The following MEGF11 variants were observed in gnomAD, a reference collection of about 807,000 sequenced individuals.
MEGF11 encodes multiple epidermal growth factor-like domains protein 11.
MEGF11 carries 126 observed loss-of-function variants against 146.6 expected under a neutral mutation model. The observed-to-expected ratio is 0.86, with a 90% CI of 0.74 to 1.00. The LOEUF (loss-of-function observed/expected upper bound fraction) is 1.00, where lower values mean the gene tolerates loss of function less well. Among genes scored for constraint, MEGF11 ranks in the 50% least tolerant of loss-of-function variants. The pLI is 0.00. For missense variants in MEGF11, 1,509 were observed against 1,521.2 expected (o/e 0.99, Z 0.13); for synonymous variants, 532 against 583.4 (o/e 0.91, Z 1.27).
chr15:66,095,461 C>T (rs1267788043), intron 4 of MEGF11, among the ~76,000 whole-genome samples: 4 of 152,254 alleles, frequency 2.6e-5, no homozygotes, highest in South Asian at 2.1e-4. Flanking sequence ...TTGTTTTTCC[C>T]GAAAGCAAGA....
At chr15:65,971,847 A>G (rs1003799818) in intron 7 of MEGF11, among the ~76,000 whole-genome samples, 2 of 152,288 alleles carry the variant, frequency 1.3e-5, no homozygotes, top group Admixed American at 1.3e-4. Flanking sequence ...AGGCAACAGG[A>G]ACACAGAGGA....
intron 11 of MEGF11, 147 bp from the exon 12 acceptor site, chr15:65,930,030 A>G: frequency 1.2e-6 from 1 of 831,466 alleles, no homozygotes; most frequent in Non-Finnish European, 1.8e-6. Flanking sequence ...CACAGAGTTC[A>G]GAAATACAAC....
At chr15:66,251,563 A>C (rs2092371180) in intron 1 of MEGF11, among the ~76,000 whole-genome samples, 1 of 152,156 alleles carries the variant, frequency 6.6e-6, no homozygotes, top group South Asian at 2.1e-4. Context: ...ACCTAACCCG[A>C]AAATCCAGAG....
intron 1 of MEGF11, among the ~76,000 whole-genome samples, chr15:66,207,386 G>A (rs2091327101): frequency 6.6e-6 from 1 of 152,206 alleles, no homozygotes; most frequent in African/African-American, 2.4e-5. Context: ...AAGCCAGAAG[G>A]CAGTAAGATG....
At chr15:66,000,190 G>T (rs1039035799) in intron 5 of MEGF11, among the ~76,000 whole-genome samples, 1 of 152,200 alleles carries the variant, frequency 6.6e-6, no homozygotes, top group African/African-American at 2.4e-5. Flanking sequence ...AGTGACAGGT[G>T]CTTGCTGGGG....
At chr15:65,985,834 C>T (rs1284209010) in intron 5 of MEGF11, among the ~76,000 whole-genome samples, 4 of 151,956 alleles carry the variant, frequency 2.6e-5, no homozygotes, top group South Asian at 2.1e-4. Flanking sequence ...AAGGGCAGCT[C>T]AGGGGATTAT....
chr15:66,119,087 T>C lies in MEGF11; in HGVS notation c.300A>G (p.Ile100Met). The stretch of plus-strand genomic sequence containing the variant: ...AGAACAGCAGCAGCCCCTACATACG[T>C]ATGCAGAAGTCTCCGCTCTCATAGT... ...PGYYESGDFC[I>M]PLCTEECVHG... Residue 100 changes from isoleucine (I) to methionine (M), a missense_variant and splice_region_variant, in exon 4 of 26, where the codon ATA (isoleucine) becomes ATG (methionine). Coordinates refer to ENST00000395614, the MANE Select transcript of MEGF11 (RefSeq NM_001385028.1). The C allele has an allele frequency of 6.5e-7, 1 of 1,548,420 alleles. No individual in the cohort carries two copies. The highest frequency in any genetic ancestry group is 8.7e-7 in the Non-Finnish European group (1 of 1,144,630).
chr15:65,946,402 G>C (rs892413145), intron 10 of MEGF11, among the ~76,000 whole-genome samples: 1 of 152,118 alleles, frequency 6.6e-6, no homozygotes, highest in Non-Finnish European at 1.5e-5. Context: ...ATTTGGGGAG[G>C]ATGGGATCCA....
chr15:66,156,550 A>G (rs1319507235), intron 1 of MEGF11, among the ~76,000 whole-genome samples: 1 of 151,990 alleles, frequency 6.6e-6, no homozygotes, highest in Non-Finnish European at 1.5e-5. Context: ...AGGACACGGC[A>G]GAGCCCGGCC....
chr15:66,000,333 G>A (rs545353426), intron 5 of MEGF11, among the ~76,000 whole-genome samples: 82 of 152,234 alleles, frequency 5.4e-4, no homozygotes, highest in Middle Eastern at 3.4e-3. Flanking sequence ...GTTCAAGGCC[G>A]GCTTGGGCAA....
intron 1 of MEGF11, among the ~76,000 whole-genome samples, chr15:66,193,701 G>A (rs964474750): frequency 1.3e-5 from 2 of 152,000 alleles, no homozygotes; most frequent in African/African-American, 4.8e-5. Context: ...TTTGGTATAC[G>A]AGGGAGTCTG....
At chr15:66,087,940 G>A (rs902300886) in intron 5 of MEGF11, among the ~76,000 whole-genome samples, 1 of 152,086 alleles carries the variant, frequency 6.6e-6, no homozygotes, top group African/African-American at 2.4e-5. Flanking sequence ...GATTAACCAA[G>A]AAAAGAAGAG....
At chr15:66,173,822 T>TGACCACCTGCTTCCTGCAGA (rs2090325152) in intron 1 of MEGF11, among the ~76,000 whole-genome samples, 2 of 152,312 alleles carry the variant, frequency 1.3e-5, no homozygotes, top group South Asian at 2.1e-4. Context: ...GAAAAGGCCC[T>TGACCACCTGCTTCCTGCAGA]GACCACCTGC....
chr15:66,055,752 G>A (rs1314075623), intron 5 of MEGF11, among the ~76,000 whole-genome samples: 1 of 152,188 alleles, frequency 6.6e-6, no homozygotes. Flanking sequence ...AATCACAATG[G>A]TGGGAAGCCT....
chr15:66,106,148 C>T (rs2087064719), intron 4 of MEGF11, among the ~76,000 whole-genome samples: 1 of 152,170 alleles, frequency 6.6e-6, no homozygotes, highest in Non-Finnish European at 1.5e-5. Context: ...TTCAGCACCA[C>T]TGCTGCTTAA....
At chr15:66,249,917 A>T (rs1335833888) in intron 1 of MEGF11, among the ~76,000 whole-genome samples, 6 of 152,250 alleles carry the variant, frequency 3.9e-5, no homozygotes, top group Admixed American at 3.9e-4. Context: ...AGAAAAGAGC[A>T]GCATTTTAAA....
intron 1 of MEGF11, among the ~76,000 whole-genome samples, chr15:66,189,901 G>T (rs970782294): frequency 6.6e-6 from 1 of 152,132 alleles, no homozygotes; most frequent in African/African-American, 2.4e-5. Flanking sequence ...AGGATCACTT[G>T]AGCCCAGGAG....
chr15:66,059,346 G>A (rs2084807427), intron 5 of MEGF11, among the ~76,000 whole-genome samples: 2 of 152,162 alleles, frequency 1.3e-5, no homozygotes, highest in Non-Finnish European at 2.9e-5. Flanking sequence ...CCTTCTCCCA[G>A]CCCATAGCAT....
chr15:66,218,979 C>CGAAAAAAAAAAA (rs747064597), intron 1 of MEGF11, among the ~76,000 whole-genome samples: 1 of 86,942 alleles, frequency 1.2e-5, no homozygotes, highest in African/African-American at 6.3e-5. Flanking sequence ...TATCCACAGG[C>CGAAAAAAAAAAA]AAAAAAAAAA....
Sources: gnomAD v4.1 joint callset for allele counts (sites outside exome capture counted in the v4.1 genomes callset) on GRCh38, gnomAD v4.1.1 for gene constraint, MANE v1.5 for transcripts, NCBI Gene and HGNC (gene_info 2026-07-23, HGNC 2026-07-21) for gene names.